Variants in EFNB2 observed in about 807,000 individuals in gnomAD.
EFNB2 encodes ephrin B2.
A neutral mutation model predicts 32.1 loss-of-function variants in EFNB2; 5 were observed. The ratio of observed to expected loss-of-function variants is 0.16; its 90% CI spans 0.08 to 0.33. The LOEUF (loss-of-function observed/expected upper bound fraction) is 0.33. Among genes scored for constraint, EFNB2 ranks in the 10% least tolerant of loss-of-function variants. The probability of loss-of-function intolerance (pLI) is 1.00; values close to 1 mark genes in which losing one functional copy is unlikely to be tolerated. For synonymous variants in EFNB2, 168 were observed against 166.5 expected, an observed-to-expected ratio of 1.01 and a Z score of -0.07; for missense variants, 263 against 422.6, an observed-to-expected ratio of 0.62 and a Z score of 3.31.
intron 2 of EFNB2, among the ~76,000 whole-genome samples, chr13:106,497,435 C>T (rs1246336413): frequency 6.8e-6 from 1 of 146,232 alleles, no homozygotes; most frequent in Non-Finnish European, 1.5e-5. Flanking sequence ...CATTGTAGAC[C>T]ATTAAGAAAC....
At position 106,493,666 on chromosome 13, in the gene EFNB2, G is replaced by A. The variant is rs1878495514; in HGVS notation, c.614-238C>T. On this transcript the variant is annotated intron_variant, in intron 4 of 4. Coordinates refer to ENST00000646441, the MANE Select transcript of EFNB2 (RefSeq NM_004093.4). The surrounding 1 kb of genome is among the most constrained non-coding windows in gnomAD (Gnocchi z 6.1). ...AGGGTTTCCTTTGTATCATTATCCA[G>A]CAAGAGCACAGACTGTCGGTGACAG... Among the ~76,000 whole-genome samples, 1 of 152,162 alleles carries A rather than the reference G, an allele frequency of 6.6e-6. No homozygotes were observed. Among genetic ancestry groups the A allele is most frequent in the Admixed American group, 6.5e-5 (1 of 15,272 alleles).
At chr13:106,513,460 TG>T (rs1215459308) in intron 1 of EFNB2, among the ~76,000 whole-genome samples, 20 of 152,200 alleles carry the variant, frequency 1.3e-4, no homozygotes, top group African/African-American at 4.6e-4. Flanking sequence ...CAAAATGAAG[TG>T]TCCTCTACTT....
Position 106,493,206 on chromosome 13 carries a change from C to A in EFNB2, c.836G>T (p.Gly279Val), listed in dbSNP as rs764803364. The A allele has an allele frequency of 6.2e-7, 1 of 1,614,190 alleles. No homozygotes were observed. Among genetic ancestry groups the A allele is most frequent in the Non-Finnish European group, 8.5e-7 (1 of 1,180,042 alleles). The change falls in exon 5 of 5, where the codon GGC becomes GTC. Residue 279 changes from glycine to valine, a missense_variant. Around this residue, in one of 3 missense-constraint regions of EFNB2, gnomAD observed 172 missense variants for 237.1 expected, o/e 0.73. Transcript: ENST00000646441. This position sits in a 1 kb window ranked among gnomAD's most constrained non-coding sequence, Gnocchi z 6.1. ...ACTGGGCTCTGAGCCGTTGTTGTTG[C>A]CGCTGCGCTTGGGTGTGGCCAGTGT... ...LSTLATPKRS[G>V]NNNGSEPSDI...
intron 2 of EFNB2, among the ~76,000 whole-genome samples, chr13:106,507,107 A>G (rs148441748): frequency 1.3e-5 from 2 of 152,306 alleles, no homozygotes; most frequent in Admixed American, 6.5e-5. Context: ...CGCAGCCATT[A>G]TGCACAAGGT....
rs547943651 is a variant in EFNB2, at chr13:106,528,465, CT to C, written c.122+6377del. On this transcript the variant is annotated intron_variant, in intron 1 of 4. Transcript: ENST00000646441. Reference sequence around the variant, plus strand: ...AAGAGTCTAGAAGGGCCCTATGCTGCTCTTTAAAAAAAAAAAACAACAACAA... The same window carrying C: ...AAGAGTCTAGAAGGGCCCTATGCTGCCTTTAAAAAAAAAAAACAACAACAA... 2.4e-3 allele frequency among the ~76,000 whole-genome samples: 332 copies of C among 137,120 alleles called. 1 individual carries two copies. Among genetic ancestry groups the C allele is most frequent in the African/African-American group, 8.8e-3 (320 of 36,194 alleles). 90.0% of individuals were successfully genotyped at this position (137,120 alleles called of 152,430 possible).
At chr13:106,528,386 G>T (rs1258372908) in intron 1 of EFNB2, among the ~76,000 whole-genome samples, 1 of 151,744 alleles carries the variant, frequency 6.6e-6, no homozygotes, top group East Asian at 1.9e-4. Flanking sequence ...AGTGAAATGG[G>T]TCTAAATTAT....
intron 3 of EFNB2, 148 bp downstream of exon 3, chr13:106,495,600 A>G: frequency 1.4e-6 from 1 of 723,556 alleles, no homozygotes; most frequent in Non-Finnish European, 2.3e-6. Context: ...ACTTGAGGAA[A>G]TCTGTCAGTG....
At chr13:106,516,547 A>G (rs1031987518) in intron 1 of EFNB2, 1 of 152,208 alleles carries the variant, frequency 6.6e-6, no homozygotes, top group African/African-American at 2.4e-5. Context: ...CTCTGCACAC[A>G]TTTCAGTTTT....
intron 2 of EFNB2, among the ~76,000 whole-genome samples, chr13:106,509,627 C>CTGTG (rs34068695): frequency 0.027 from 3,863 of 142,608 alleles, 97 homozygotes; most frequent in East Asian, 0.11. Flanking sequence ...CAGAGCTTGA[C>CTGTG]TGTGTGTGTG....
At chr13:106,514,827 A>C (rs1473808463) in intron 1 of EFNB2, among the ~76,000 whole-genome samples, 1 of 152,186 alleles carries the variant, frequency 6.6e-6, no homozygotes, top group Admixed American at 6.5e-5. Flanking sequence ...GGGGCATCCC[A>C]GGCTTCAGAG....
chr13:106,534,571 G>A lies in EFNB2; in HGVS notation c.122+272C>T, dbSNP rs1467517225. 3.3e-5 allele frequency among the ~76,000 whole-genome samples: 5 copies of A among 152,312 alleles called. No homozygotes were observed. The Middle Eastern group carries it at 0.014, about 417-fold the overall frequency. ...AGGTATCGCCATCGGACACCTTCCC[G>A]GACTTGACACCCGAGCCGATAGTAG... On this transcript the variant is annotated intron_variant, in intron 1 of 4. Coordinates refer to ENST00000646441, the MANE Select transcript of EFNB2 (RefSeq NM_004093.4).
intron 2 of EFNB2, among the ~76,000 whole-genome samples, chr13:106,498,144 A>G (rs1479286849): frequency 6.6e-6 from 1 of 152,182 alleles, no homozygotes; most frequent in African/African-American, 2.4e-5. Flanking sequence ...AAGTTTCAAC[A>G]CTAAGCTGAA....
chr13:106,505,231 T>C (rs1226891960), intron 2 of EFNB2, among the ~76,000 whole-genome samples: 2 of 152,240 alleles, frequency 1.3e-5, no homozygotes, highest in African/African-American at 4.8e-5. Flanking sequence ...TATACTCTGC[T>C]GTCTCTACAT....
Position 106,535,116 on chromosome 13 carries a change from C to G in EFNB2, c.-152G>C, listed in dbSNP as rs1880027120. The G allele has an allele frequency of 1.9e-5, 20 of 1,031,840 alleles. No individual in the cohort carries two copies. Among genetic ancestry groups the G allele is most frequent in the Non-Finnish European group, 2.3e-5 (18 of 777,882 alleles). The allele number at this position is 1,031,840 out of a possible 1,614,324, so 63.9% of individuals were successfully genotyped here. The stretch of plus-strand genomic sequence containing the variant: ...GCGCGCTGCGCAGCTCCAGCGGTCG[C>G]CGGGCCAGGTGCGCTCGCTCTCCGG... On this transcript the variant is annotated 5_prime_UTR_variant, in exon 1 of 5. Coordinates refer to ENST00000646441, the MANE Select transcript of EFNB2 (RefSeq NM_004093.4).
chr13:106,497,535 G>C (rs892548488), intron 2 of EFNB2, among the ~76,000 whole-genome samples: 2 of 151,532 alleles, frequency 1.3e-5, no homozygotes, highest in African/African-American at 4.9e-5. Flanking sequence ...ATTTAATGGG[G>C]CTATTAAAAT....
chr13:106,497,286 C>T (rs918175602), intron 2 of EFNB2, among the ~76,000 whole-genome samples: 3 of 152,124 alleles, frequency 2.0e-5, no homozygotes, highest in African/African-American at 7.2e-5. Context: ...CTTGCTTAAA[C>T]TTTACAGTCT....
intron 1 of EFNB2, among the ~76,000 whole-genome samples, chr13:106,534,271 G>A (rs950141561): frequency 2.6e-5 from 4 of 152,210 alleles, no homozygotes; most frequent in African/African-American, 4.8e-5. Flanking sequence ...AAGCAGGCGA[G>A]CTCCCCGCGC....
At chr13:106,524,229 A>T (rs1012339831) in intron 1 of EFNB2, among the ~76,000 whole-genome samples, 3 of 152,246 alleles carry the variant, frequency 2.0e-5, no homozygotes, top group African/African-American at 4.8e-5. Flanking sequence ...TAATGACAGA[A>T]TTAAACCAAT....
rs1878502989 is a variant in EFNB2, at chr13:106,493,896, CAGAA to C, written c.614-472_614-469del. 1.3e-5 allele frequency among the ~76,000 whole-genome samples: 2 copies of C among 152,224 alleles called. No homozygotes were observed. The highest frequency in any genetic ancestry group is 4.8e-5 in the African/African-American group (2 of 41,454). On this transcript the variant is annotated intron_variant, in intron 4 of 4. Coordinates refer to ENST00000646441, the MANE Select transcript of EFNB2 (RefSeq NM_004093.4). This position sits in a 1 kb window ranked among gnomAD's most constrained non-coding sequence, Gnocchi z 6.1. Reference sequence around the variant, plus strand: ...AGAAGAGCCCTGCCTCCTGGCAGAACAGAACAGCTCGGGAACGCGGAAGGAGTGA... The same window carrying C: ...AGAAGAGCCCTGCCTCCTGGCAGAACCAGCTCGGGAACGCGGAAGGAGTGA...
Sources: gnomAD v4.1 joint callset for allele counts (sites outside exome capture counted in the v4.1 genomes callset) on GRCh38, gnomAD v4.1.1 for gene constraint, gnomAD v4.1.1 regional missense constraint, Gnocchi (gnomAD v3.1) non-coding constraint, MANE v1.5 for transcripts, NCBI Gene and HGNC (gene_info 2026-07-23, HGNC 2026-07-21) for gene names.